DDX42: variants seen among roughly 807,000 people sequenced by gnomAD.
DDX42 encodes DEAD-box helicase 42.
A neutral mutation model predicts 101.5 loss-of-function variants in DDX42; 22 were observed. That is an observed-to-expected ratio of 0.22 (90% CI 0.15 to 0.31). The LOEUF (loss-of-function observed/expected upper bound fraction) is 0.31, where lower values mean the gene tolerates loss of function less well. DDX42 is among the 10% of genes least tolerant of loss of function. The pLI is 1.00. For synonymous variants in DDX42, 402 were observed against 401.2 expected (o/e 1.00, Z -0.02); for missense variants, 849 against 1,199.9 (o/e 0.71, Z 4.32).
At position 63,799,642 on chromosome 17, in the gene DDX42, T is replaced by TA. The variant is rs747256072; in HGVS notation, c.471+18dup. 6.2e-7 allele frequency: 1 copy of TA among 1,609,580 alleles called. No individual in the cohort carries two copies. Among genetic ancestry groups the TA allele is most frequent in the Non-Finnish European group, 8.5e-7 (1 of 1,177,328 alleles). On this transcript the variant is annotated intron_variant, in intron 5 of 17. Transcript: ENST00000389924. ...GATGACCAAGTGAGTTCCTATGCAG[T>TA]ATTTCTATCTTTTATTTTTATCCAC...
chr17:63,810,322 C>T, intron 11 of DDX42, 191 bp from the exon 12 acceptor site: 1 of 405,288 alleles, frequency 2.5e-6, no homozygotes. Flanking sequence ...AACTCCTGAC[C>T]TCAAGTGATC....
intron 6 of DDX42, among the ~76,000 whole-genome samples, chr17:63,801,223 T>A (rs186266236): frequency 1.9e-3 from 290 of 152,156 alleles, no homozygotes; most frequent in African/African-American, 6.6e-3. Flanking sequence ...CTAATTTTTT[T>A]TAAATATTTT....
intron 6 of DDX42, among the ~76,000 whole-genome samples, chr17:63,802,189 A>T (rs1360345514): frequency 6.6e-6 from 1 of 151,692 alleles, no homozygotes; most frequent in Admixed American, 6.6e-5. Context: ...AGTTAAAAAG[A>T]AAAAAAAAGG....
At chr17:63,792,049 A>G (rs965083688) in intron 2 of DDX42, among the ~76,000 whole-genome samples, 30 of 152,032 alleles carry the variant, frequency 2.0e-4, no homozygotes, top group African/African-American at 7.0e-4. Flanking sequence ...CCGTCTCAAA[A>G]AAAAAAAAAA....
chr17:63,778,812 TG>T (rs982494519), intron 1 of DDX42, among the ~76,000 whole-genome samples: 64 of 152,278 alleles, frequency 4.2e-4, no homozygotes, highest in African/African-American at 1.5e-3. Flanking sequence ...GGCTAATTTT[TG>T]TATTTTTAGT....
chr17:63,807,733 G>C lies in DDX42; in HGVS notation c.856G>C (p.Val286Leu). ...TTTACTTTTTCTCCAGGGTGTGCCT[G>C]TGGCATTAAGTGGTAGAGACATGAT... ...PTPIQCQGVP[V>L]ALSGRDMIGI... Residue 286 changes from valine (V) to leucine (L), a missense_variant, in exon 9 of 18, where the codon GTG (valine) becomes CTG (leucine). Val to Leu is a conservative substitution (Grantham distance 32, BLOSUM62 1). Transcript: ENST00000389924. 1 of 1,612,520 alleles carries C rather than the reference G, an allele frequency of 6.2e-7. No individual in the cohort carries two copies. The highest frequency in any genetic ancestry group is 8.5e-7 in the Non-Finnish European group (1 of 1,179,440).
intron 3 of DDX42, among the ~76,000 whole-genome samples, chr17:63,796,563 G>A (rs1350947889): frequency 1.5e-4 from 23 of 152,330 alleles, no homozygotes; most frequent in African/African-American, 3.1e-4. Context: ...TGATCTGCCC[G>A]CCTTGGCCTC....
chr17:63,798,442 T>A (rs2054462911), intron 4 of DDX42, among the ~76,000 whole-genome samples: 1 of 152,164 alleles, frequency 6.6e-6, no homozygotes, highest in Admixed American at 6.5e-5. Context: ...ATAAAATAGG[T>A]TTATGCCTAT....
At chr17:63,786,890 C>T (rs2039553787) in intron 1 of DDX42, 144 bp from the exon 2 acceptor site, 1 of 721,014 alleles carries the variant, frequency 1.4e-6, no homozygotes, top group African/African-American at 1.8e-5. Context: ...ATTGGCCAGG[C>T]TGGTCTTGAA....
chr17:63,785,510 C>A (rs564158982), intron 1 of DDX42, among the ~76,000 whole-genome samples: 1 of 128,680 alleles, frequency 7.8e-6, no homozygotes, highest in East Asian at 2.1e-4. Context: ...GCCTGTAATC[C>A]CAGCACTTAG....
chr17:63,794,965 CTTAA>C (rs2039675729), intron 3 of DDX42, among the ~76,000 whole-genome samples: 1 of 150,488 alleles, frequency 6.6e-6, no homozygotes, highest in African/African-American at 2.4e-5. Flanking sequence ...AAAATTGTCA[CTTAA>C]TTAGTTATGA....
chr17:63,784,217 A>G (rs1357238445), intron 1 of DDX42, among the ~76,000 whole-genome samples: 4 of 152,228 alleles, frequency 2.6e-5, no homozygotes, highest in Admixed American at 2.6e-4. Context: ...TTACTATAAT[A>G]AACAGTTTTT....
intron 1 of DDX42, among the ~76,000 whole-genome samples, chr17:63,776,913 T>C (rs2039428276): frequency 6.6e-6 from 1 of 152,120 alleles, no homozygotes; most frequent in Non-Finnish European, 1.5e-5. Flanking sequence ...AACCACCGTG[T>C]TTTATTTATT....
intron 13 of DDX42, 90 bp downstream of exon 13, chr17:63,811,263 AAAAAAGATGTTATGTTTAT>A: frequency 9.9e-7 from 1 of 1,005,694 alleles, no homozygotes; most frequent in Non-Finnish European, 1.4e-6. Flanking sequence ...TGAGATAAAA[AAAAAAGATGTTATGTTTAT>A]AGATGCAACA....
Position 63,819,042 on chromosome 17 carries a change from C to G in DDX42, c.*644C>G, listed in dbSNP as rs991349247. The G allele has an allele frequency of 1.3e-5, 2 of 152,334 alleles. No individual in the cohort carries two copies. The highest frequency in any genetic ancestry group is 4.8e-5 in the African/African-American group (2 of 41,394). 9.4% of individuals were successfully genotyped at this position (152,334 alleles called of 1,614,324 possible). On this transcript the variant is annotated 3_prime_UTR_variant, in exon 18 of 18. Transcript: ENST00000389924. ...GGAAAAGGTGATCCTGGTAACTGTTCCAGGATTGCTCCAGGTTTGAGATGG... is the reference window on the plus strand; with the variant it reads ...GGAAAAGGTGATCCTGGTAACTGTTGCAGGATTGCTCCAGGTTTGAGATGG...
At chr17:63,792,273 A>G in intron 2 of DDX42, 139 bp from the exon 3 acceptor site, 1 of 858,694 alleles carries the variant, frequency 1.2e-6, no homozygotes. Context: ...GTCATTAGCC[A>G]AAGCCTTGGA....
Position 63,787,145 on chromosome 17 carries a change from A to C in DDX42, c.96A>C (p.Pro32=). The C allele has an allele frequency of 6.2e-7, 1 of 1,614,228 alleles. No homozygotes were observed. The highest frequency in any genetic ancestry group is 8.5e-7 in the Non-Finnish European group (1 of 1,180,040). Residue 32 remains proline, a synonymous_variant, in exon 2 of 18, where the codon CCA becomes CCC. Coordinates refer to ENST00000389924, the MANE Select transcript of DDX42 (RefSeq NM_203499.3). The stretch of plus-strand genomic sequence containing the variant: ...GGAAAAAGGAGGAACCCAAACTCCC[A>C]CAGCAGTCCCACAGTGCCTTTGGGG... The part of the protein sequence containing the change: ...SAGKKEEPKL[P]QQSHSAFGAT...
intron 3 of DDX42, among the ~76,000 whole-genome samples, chr17:63,796,654 T>G (rs1282390063): frequency 6.6e-6 from 1 of 152,220 alleles, no homozygotes; most frequent in Admixed American, 6.5e-5. Context: ...ACTTTTCTAG[T>G]GCTTGAACTA....
chr17:63,791,827 C>T (rs951995826), intron 2 of DDX42, among the ~76,000 whole-genome samples: 4 of 152,050 alleles, frequency 2.6e-5, no homozygotes, highest in African/African-American at 4.8e-5. Flanking sequence ...GGGCAGATCA[C>T]GTAAGGTAAG....
Sources: gnomAD v4.1 joint callset for allele counts (sites outside exome capture counted in the v4.1 genomes callset) on GRCh38, gnomAD v4.1.1 for gene constraint, MANE v1.5 for transcripts, NCBI Gene and HGNC (gene_info 2026-07-23, HGNC 2026-07-21) for gene names.